The following TAB1 variants were observed in gnomAD, a reference collection of about 807,000 sequenced individuals.
TAB1 encodes the protein TGF-beta-activated kinase 1 and MAP3K7-binding protein 1.
Under a neutral mutation model 54.5 loss-of-function variants are expected in TAB1, and 30 were observed. The observed-to-expected ratio is 0.55, with a 90% confidence interval of 0.41 to 0.75. TAB1 has a LOEUF of 0.75. TAB1 is among the 30% of genes least tolerant of loss of function. The probability of loss-of-function intolerance (pLI) is 0.00; values close to 1 mark genes in which losing one functional copy is unlikely to be tolerated. For missense variants in TAB1, 609 were observed against 683.2 expected, an observed-to-expected ratio of 0.89 and a Z score of 1.21; for synonymous variants, 289 against 286.9, an observed-to-expected ratio of 1.01 and a Z score of -0.07.
intron 7 of TAB1, 36 bp from the exon 8 acceptor site, chr22:39,421,791 C>A (rs1363581340): frequency 1.2e-6 from 2 of 1,612,906 alleles, no homozygotes. Flanking sequence ...GCGGGCTGTT[C>A]CAAGCAAAGC....
At chr22:39,422,212 G>C (rs1252058485) in intron 8 of TAB1, among the ~76,000 whole-genome samples, 2 of 152,092 alleles carry the variant, frequency 1.3e-5, no homozygotes, top group Non-Finnish European at 2.9e-5. Flanking sequence ...AAGGGAAGAG[G>C]GGGAGATGGA....
Position 39,419,610 on chromosome 22 carries a change from C to T in TAB1, c.756C>T (p.Tyr252=). ...GGGATTACAAGGTTAAATATGGCTACACGGACATTGACCTTCTCAGGTAGG... is the reference window on the plus strand; with the variant it reads ...GGGATTACAAGGTTAAATATGGCTATACGGACATTGACCTTCTCAGGTAGG... ...RIGDYKVKYG[Y]TDIDLLSAAK... Residue 252 remains tyrosine, a synonymous_variant, in exon 7 of 11, where the codon TAC becomes TAT. Transcript: ENST00000216160. 6.2e-7 allele frequency: 1 copy of T among 1,611,312 alleles called. No homozygotes were observed.
At chr22:39,436,374 G>A, downstream of TAB1, 2 of 771,936 alleles carry the variant, frequency 2.6e-6, no homozygotes, top group Non-Finnish European at 4.6e-6. Context: ...ACCTGGCAAA[G>A]AGTTGGTATC....
At chr22:39,427,484 G>A (rs1251188802) in intron 9 of TAB1, among the ~76,000 whole-genome samples, 2 of 152,188 alleles carry the variant, frequency 1.3e-5, no homozygotes, top group Non-Finnish European at 2.9e-5. Context: ...CAGGAAAAGA[G>A]GTGGCTGCTC....
chr22:39,431,412 C>T lies in TAB1; in HGVS notation c.*1190C>T. 3 of 985,552 alleles carry T rather than the reference C, an allele frequency of 3.0e-6. No homozygotes were observed. The highest frequency in any genetic ancestry group is 4.7e-5 in the South Asian group (1 of 21,292). The allele number at this position is 985,552 out of a possible 1,614,324, so 61.1% of individuals were successfully genotyped here. A position where few individuals can be genotyped will look rare whatever the true frequency, so the allele number is the denominator to read the frequency against. ...GGGGCAGCCAGAGCTCAGACCTGAG[C>T]CATTTTGTCAGTATCCAGGACCCCC... On this transcript the variant is annotated 3_prime_UTR_variant, in exon 11 of 11. Transcript: ENST00000216160.
chr22:39,425,433 A>G (rs1242885059), intron 8 of TAB1, among the ~76,000 whole-genome samples: 1 of 152,182 alleles, frequency 6.6e-6, no homozygotes, highest in Non-Finnish European at 1.5e-5. Flanking sequence ...TAATAATGAA[A>G]ATAGGCTTTG....
chr22:39,432,806 C>T (rs1241934004), downstream of TAB1: 4 of 985,464 alleles, frequency 4.1e-6, no homozygotes, highest in Non-Finnish European at 4.8e-6. Context: ...CTTTATGTCC[C>T]CTGTCCCCAG....
chr22:39,427,042 T>C lies in TAB1; in HGVS notation c.1144+117T>C, dbSNP rs1401926948. 3 of 992,792 alleles carry C rather than the reference T, an allele frequency of 3.0e-6. No individual in the cohort carries two copies. The African/African-American group carries it at 4.9e-5, about 16-fold the overall frequency. 61.5% of individuals were successfully genotyped at this position (992,792 alleles called of 1,614,324 possible). ...TGGAGTCAGGAGGCCTGGCTCTGAGTGGCTCTAATTCAGGTTCTCTGATTT... is the reference window on the plus strand; with the variant it reads ...TGGAGTCAGGAGGCCTGGCTCTGAGCGGCTCTAATTCAGGTTCTCTGATTT... On this transcript the variant is annotated intron_variant, in intron 9 of 10. Transcript: ENST00000216160.
Position 39,416,797 on chromosome 22 carries a change from G to C in TAB1, c.331G>C (p.Asp111His). The C allele has an allele frequency of 6.2e-7, 1 of 1,614,210 alleles. No homozygotes were observed. Among genetic ancestry groups the C allele is most frequent in the Non-Finnish European group, 8.5e-7 (1 of 1,180,036 alleles). The change falls in exon 4 of 11, where the codon GAT becomes CAT. Residue 111 changes from aspartate (D) to histidine (H), a missense_variant. By Grantham distance (81) the Asp-to-His change is moderately conservative (BLOSUM62 -1). Coordinates refer to ENST00000216160, the MANE Select transcript of TAB1 (RefSeq NM_006116.3). ...DVRRVLLQAFDVVERSFLESI... is the reference protein window; with the variant it reads ...DVRRVLLQAFHVVERSFLESI... ...CTGTCCTGTGTCCCCCTAGGCCTTCGATGTGGTGGAGAGGAGCTTCCTGGA... is the reference window on the plus strand; with the variant it reads ...CTGTCCTGTGTCCCCCTAGGCCTTCCATGTGGTGGAGAGGAGCTTCCTGGA...
At chr22:39,429,203 C>G (rs1456416506) in intron 10 of TAB1, 8 of 985,304 alleles carry the variant, frequency 8.1e-6, no homozygotes, top group Admixed American at 6.1e-5. Context: ...GCAGTTCCAG[C>G]TGTGATAGAA....
intron 4 of TAB1, among the ~76,000 whole-genome samples, chr22:39,417,359 G>A (rs1327453814): frequency 5.3e-5 from 8 of 152,194 alleles, no homozygotes; most frequent in African/African-American, 1.7e-4. Context: ...GGTGGCTCAC[G>A]CCTGTAATCC....
intron 4 of TAB1, 114 bp downstream of exon 4, chr22:39,416,991 C>A: frequency 1.0e-6 from 1 of 984,500 alleles, no homozygotes; most frequent in Non-Finnish European, 1.6e-6. Flanking sequence ...CGTTAGGGAG[C>A]AGTTCCTGAT....
At chr22:39,406,076 TGTAGGTC>T (rs1191179606) in intron 1 of TAB1, among the ~76,000 whole-genome samples, 1 of 151,972 alleles carries the variant, frequency 6.6e-6, no homozygotes, top group Non-Finnish European at 1.5e-5. Context: ...ATGTGGAAAA[TGTAGGTC>T]TTCAAATCAG....
At chr22:39,403,939 C>T (rs943679280) in intron 1 of TAB1, among the ~76,000 whole-genome samples, 36 of 152,104 alleles carry the variant, frequency 2.4e-4, no homozygotes, top group African/African-American at 3.9e-4. Context: ...CCACCGTGCC[C>T]GGCCGAAAAA....
At chr22:39,402,488 A>G (rs1926191062) in intron 1 of TAB1, among the ~76,000 whole-genome samples, 1 of 152,138 alleles carries the variant, frequency 6.6e-6, no homozygotes, top group Non-Finnish European at 1.5e-5. Flanking sequence ...CACTTGGTAG[A>G]TCACTTGGTG....
chr22:39,419,636 T>C lies in TAB1; in HGVS notation c.776+6T>C. 6.3e-7 allele frequency: 1 copy of C among 1,593,844 alleles called. No individual in the cohort carries two copies. On this transcript the variant is annotated splice_donor_region_variant and intron_variant, in intron 7 of 10. Coordinates refer to ENST00000216160, the MANE Select transcript of TAB1 (RefSeq NM_006116.3). ...ACGGACATTGACCTTCTCAGGTAGG[T>C]GCCAGCCCAGCTGTCCCCTGTGCTT...
Position 39,415,980 on chromosome 22 carries a change from T to C in TAB1, c.324+327T>C, listed in dbSNP as rs779424436. Among the ~76,000 whole-genome samples the C allele has an allele frequency of 2.0e-5, 3 of 152,142 alleles. No individual in the cohort carries two copies. The highest frequency in any genetic ancestry group is 4.4e-5 in the Non-Finnish European group (3 of 68,008). Reference sequence around the variant, plus strand: ...CATTTAGAGCTACCCCTTTCTTTCCTATGTGGTCAGGTGCTCAGCCTCCAG... The same window carrying C: ...CATTTAGAGCTACCCCTTTCTTTCCCATGTGGTCAGGTGCTCAGCCTCCAG... On this transcript the variant is annotated intron_variant, in intron 3 of 10. Transcript: ENST00000216160. The surrounding 1 kb of genome is among the most constrained non-coding windows in gnomAD (Gnocchi z 4.9).
At chr22:39,404,813 G>A (rs1199009725) in intron 1 of TAB1, among the ~76,000 whole-genome samples, 1 of 152,172 alleles carries the variant, frequency 6.6e-6, no homozygotes, top group Non-Finnish European at 1.5e-5. Context: ...GAATGAATGA[G>A]GAGCTCTTTA....
At chr22:39,400,111 G>A (rs1034873879) in intron 1 of TAB1, among the ~76,000 whole-genome samples, 6 of 152,202 alleles carry the variant, frequency 3.9e-5, no homozygotes, top group Non-Finnish European at 8.8e-5. Flanking sequence ...AAGGGAACAC[G>A]GCGGGCGGCA....
Sources: gnomAD v4.1 joint callset for allele counts (sites outside exome capture counted in the v4.1 genomes callset) on GRCh38, gnomAD v4.1.1 for gene constraint, Gnocchi (gnomAD v3.1) non-coding constraint, MANE v1.5 for transcripts, NCBI Gene and HGNC (gene_info 2026-07-23, HGNC 2026-07-21) for gene names.